ZNF347: variants seen among roughly 807,000 people sequenced by gnomAD.
The protein encoded by ZNF347 is CTD-2620I22.7.
Under a neutral mutation model 12.9 loss-of-function variants are expected in ZNF347, and 19 were observed. The observed-to-expected ratio is 1.47, with a 90% CI of 1.03 to 2.16. The LOEUF is 2.16. ZNF347 is among the 30% of genes most tolerant of loss of function. The pLI is 0.00. For synonymous variants in ZNF347, 328 were observed against 340.6 expected, an observed-to-expected ratio of 0.96 and a Z score of 0.41; for missense variants, 1,005 against 990.6, an observed-to-expected ratio of 1.01 and a Z score of -0.19.
intron 2 of ZNF347, 86 bp downstream of exon 2, chr19:53,153,647 A>T: frequency 3.9e-6 from 6 of 1,552,044 alleles, no homozygotes; most frequent in Non-Finnish European, 5.3e-6. Flanking sequence ...AGGACGCTTC[A>T]GACTCAGAGA....
At position 53,142,511 on chromosome 19, in the gene ZNF347, T is replaced by C; in HGVS notation, c.317A>G (p.Lys106Arg). 2 of 1,610,148 alleles carry C rather than the reference T, an allele frequency of 1.2e-6. No homozygotes were observed. The highest frequency in any genetic ancestry group is 1.7e-4 in the Middle Eastern group (1 of 6,032). ...TTGGAATACTTCTCCTGTATTACTC[T>C]TCCCTTTGTGTAGTAAATCTTTCAT... ...FVMKDLLHKG[K>R]SNTGEVFQTV... is the part of the protein sequence containing the mutation. Residue 106 changes from lysine to arginine, a missense_variant, in exon 5 of 5, where the codon AAG (lysine) becomes AGG (arginine). Transcript: ENST00000334197.
Position 53,140,293 on chromosome 19 carries a change from T to C in ZNF347, c.*15A>G. On this transcript the variant is annotated 3_prime_UTR_variant, in exon 5 of 5. Coordinates refer to ENST00000334197, the MANE Select transcript of ZNF347 (RefSeq NM_032584.3). ...CTGCAAAAGTTACCACCTTCATTTG[T>C]AAGGTTTCTCTCCACTATGAATTCT... 6.6e-7 allele frequency: 1 copy of C among 1,525,060 alleles called. No individual in the cohort carries two copies. The highest frequency in any genetic ancestry group is 8.8e-7 in the Non-Finnish European group (1 of 1,138,996). 94.5% of individuals were successfully genotyped at this position (1,525,060 alleles called of 1,614,324 possible).
rs1158464841 is a variant in ZNF347 at position 53,135,762 on chromosome 19, G to T, written c.*4546C>A. 6.6e-6 allele frequency: 1 copy of T among 152,182 alleles called. No individual in the cohort carries two copies. Among genetic ancestry groups the T allele is most frequent in the African/African-American group, 2.4e-5 (1 of 41,440 alleles). 9.4% of individuals were successfully genotyped at this position (152,182 alleles called of 1,614,324 possible). A position where few individuals can be genotyped will look rare whatever the true frequency, so the allele number is the denominator to read the frequency against. On this transcript the variant is annotated 3_prime_UTR_variant, in exon 5 of 5. Coordinates refer to ENST00000334197, the MANE Select transcript of ZNF347 (RefSeq NM_032584.3). ...ACTTATTTCAGGAGCTGATGATTCA[G>T]TTGTTACACATAAAGCATTAATAAC...
chr19:53,136,556 G>A lies in ZNF347; in HGVS notation c.*3752C>T, dbSNP rs187449813. ...AAGACCAACCTGGCCAACATAGCGA[G>A]ACCCCACGTCTAAAAAGAAAAAGAA... On this transcript the variant is annotated 3_prime_UTR_variant, in exon 5 of 5. Transcript: ENST00000334197. 1 of 149,374 alleles carries A rather than the reference G, an allele frequency of 6.7e-6. No individual in the cohort carries two copies. Among genetic ancestry groups the A allele is most frequent in the African/African-American group, 2.5e-5 (1 of 40,574 alleles). The allele number at this position is 149,374 out of a possible 1,614,324, so 9.3% of individuals were successfully genotyped here.
intron 2 of ZNF347, among the ~76,000 whole-genome samples, chr19:53,149,737 T>C (rs769393420): frequency 6.6e-6 from 1 of 152,076 alleles, no homozygotes; most frequent in East Asian, 1.9e-4. Flanking sequence ...TAGCCAAAGA[T>C]GTAAGCAATC....
chr19:53,140,670 C>T lies in ZNF347; in HGVS notation c.2158G>A (p.Val720Ile). Residue 720 changes from valine to isoleucine, a missense_variant, in exon 5 of 5, where the codon GTC becomes ATC. Transcript: ENST00000334197. ...ECNQCGKAFS[V>I]RSSLTTHQAI... Reference sequence around the variant, plus strand: ...TGATGGGTAGTTAGGCTTGAACGGACACTAAAGGCTTTCCCACACTGATTA... The same window carrying T: ...TGATGGGTAGTTAGGCTTGAACGGATACTAAAGGCTTTCCCACACTGATTA... The T allele has an allele frequency of 6.2e-7, 1 of 1,612,922 alleles. No homozygotes were observed. Among genetic ancestry groups the T allele is most frequent in the Non-Finnish European group, 8.5e-7 (1 of 1,179,810 alleles).
rs1410950589 is a variant in ZNF347 at position 53,135,403 on chromosome 19, C to T, written c.*4905G>A. ...AGAGAGAGAGAGAGAGATGGAGTCC[C>T]GCTCTGTCACTGAGACTGGAGTGCA... On this transcript the variant is annotated 3_prime_UTR_variant, in exon 5 of 5. Transcript: ENST00000334197. 1 of 144,990 alleles carries T rather than the reference C, an allele frequency of 6.9e-6. No homozygotes were observed. Among genetic ancestry groups the T allele is most frequent in the Non-Finnish European group, 1.5e-5 (1 of 66,584 alleles). The allele number at this position is 144,990 out of a possible 1,614,324, so 9.0% of individuals were successfully genotyped here.
At position 53,141,978 on chromosome 19, in the gene ZNF347, T is replaced by C. The variant is rs746608722; in HGVS notation, c.850A>G (p.Thr284Ala). The change falls in exon 5 of 5, where the codon ACT (threonine) becomes GCT (alanine). Residue 284 changes from threonine to alanine, a missense_variant. Transcript: ENST00000334197. The stretch of plus-strand genomic sequence containing the variant: ...TAACATTTGTAAGGTTTCTCTTTAG[T>C]ATGACTTCTCTGATGACTTGCAAGG... ...SHLASHQRSH[T>A]KEKPYKCYEC... is the part of the protein sequence containing the mutation. 8 of 1,614,070 alleles carry C rather than the reference T, an allele frequency of 5.0e-6. No homozygotes were observed. The African/African-American group carries it at 9.3e-5, about 19-fold the overall frequency.
intron 2 of ZNF347, among the ~76,000 whole-genome samples, chr19:53,152,112 T>A (rs796427345): frequency 4.9e-4 from 50 of 102,162 alleles, no homozygotes; most frequent in African/African-American, 5.7e-4. Context: ...AAAAAAAAAA[T>A]CATGATGTGT....
At chr19:53,143,694 G>A (rs559406468) in intron 4 of ZNF347, among the ~76,000 whole-genome samples, 169 of 152,172 alleles carry the variant, frequency 1.1e-3, no homozygotes, top group African/African-American at 3.8e-3. Flanking sequence ...ACATACGTGT[G>A]CATGTGTCTT....
rs539845630 is a variant in ZNF347 at position 53,140,091 on chromosome 19, G to A, written c.*217C>T. 1.7e-4 allele frequency: 83 copies of A among 488,428 alleles called. No homozygotes were observed. The highest frequency in any genetic ancestry group is 2.7e-4 in the Non-Finnish European group (76 of 279,544). The allele number at this position is 488,428 out of a possible 1,614,324, so 30.3% of individuals were successfully genotyped here. On this transcript the variant is annotated 3_prime_UTR_variant, in exon 5 of 5. Coordinates refer to ENST00000334197, the MANE Select transcript of ZNF347 (RefSeq NM_032584.3). The stretch of plus-strand genomic sequence containing the variant: ...AATTGTGTACTTTTAGTAGAAATGG[G>A]GTTTCGCCATGTTGGTCAGGCTGGT...
rs530325991 is a variant in ZNF347, at chr19:53,141,178, G to A, written c.1650C>T (p.Phe550=). 75 of 1,605,140 alleles carry A rather than the reference G, an allele frequency of 4.7e-5. No individual in the cohort carries two copies. The South Asian group carries it at 7.5e-4, about 16-fold the overall frequency. Residue 550 remains phenylalanine, a synonymous_variant, in exon 5 of 5, where the codon TTC becomes TTT. Coordinates refer to ENST00000334197, the MANE Select transcript of ZNF347 (RefSeq NM_032584.3). ...GGGTAGTTAGGCTTGAATACACACT[G>A]AAGGCTTTGCCGCACTCATTACACA... is the stretch of plus-strand genomic sequence containing the variant. The part of the protein sequence containing the change: ...PYMCNECGKA[F]SVYSSLTTHQ...
At chr19:53,153,400 C>T (rs1297108347) in intron 2 of ZNF347, among the ~76,000 whole-genome samples, 1 of 152,224 alleles carries the variant, frequency 6.6e-6, no homozygotes, top group African/African-American at 2.4e-5. Flanking sequence ...TCCTGCTCCA[C>T]AGAGAGCTGA....
At chr19:53,157,467 C>T (rs1463751806) in intron 1 of ZNF347, among the ~76,000 whole-genome samples, 1 of 151,732 alleles carries the variant, frequency 6.6e-6, no homozygotes, top group East Asian at 2.0e-4. Flanking sequence ...TCGTTCTGAG[C>T]CCCTCTCATC....
chr19:53,140,773 T>G lies in ZNF347; in HGVS notation c.2055A>C (p.Glu685Asp), dbSNP rs748066677. The G allele has an allele frequency of 3.1e-6, 5 of 1,611,050 alleles. No individual in the cohort carries two copies. The highest frequency in any genetic ancestry group is 4.2e-6 in the Non-Finnish European group (5 of 1,178,736). The change falls in exon 5 of 5, where the codon GAA becomes GAC. Residue 685 changes from glutamate to aspartate, a missense_variant. Glu to Asp is a conservative substitution (Grantham distance 45). Transcript: ENST00000334197. ...ATGTTTGACTAAAGGCTTTGCCACA[T>G]TCATTACACTGGTAAGGTTTACCTC... ...HTGGKPYQCNECGKAFSQTSK... is the reference protein window; with the variant it reads ...HTGGKPYQCNDCGKAFSQTSK...
intron 1 of ZNF347, among the ~76,000 whole-genome samples, chr19:53,156,309 A>G (rs1220772148): frequency 1.3e-5 from 2 of 151,930 alleles, no homozygotes; most frequent in African/African-American, 4.8e-5. Flanking sequence ...TGAGGCAGGC[A>G]GGAGAATCGC....
In ZNF347 at chr19:53,149,278, G is replaced by A. The variant is rs773429353; in HGVS notation, c.105C>T (p.Asp35=). 3.2e-5 allele frequency: 52 copies of A among 1,613,494 alleles called. No homozygotes were observed. The highest frequency in any genetic ancestry group is 1.6e-4 in the Middle Eastern group (1 of 6,082). Residue 35 remains aspartate, a synonymous_variant, in exon 3 of 5, where the codon GAC becomes GAT. Coordinates refer to ENST00000334197, the MANE Select transcript of ZNF347 (RefSeq NM_032584.3). ...GGTTCCTATAATTCTCCAACATCACGTCCCTGTACAAAGTCCTCTGAGCGG... is the reference window on the plus strand; with the variant it reads ...GGTTCCTATAATTCTCCAACATCACATCCCTGTACAAAGTCCTCTGAGCGG... ...LDPAQRTLYR[D]VMLENYRNLA...
At chr19:53,153,958 C>G in intron 1 of ZNF347, 165 bp from the exon 2 acceptor site, 1 of 587,538 alleles carries the variant, frequency 1.7e-6, no homozygotes, top group Non-Finnish European at 3.0e-6. Flanking sequence ...TGCACCAGGG[C>G]AATGCAGGGA....
intron 4 of ZNF347, among the ~76,000 whole-genome samples, chr19:53,145,524 C>T (rs957052309): frequency 6.6e-6 from 1 of 151,546 alleles, no homozygotes. Context: ...CCCCAAGTAG[C>T]AGAGACCACA....
Sources: gnomAD v4.1 joint callset for allele counts (sites outside exome capture counted in the v4.1 genomes callset) on GRCh38, gnomAD v4.1.1 for gene constraint, MANE v1.5 for transcripts, NCBI Gene and HGNC (gene_info 2026-07-23, HGNC 2026-07-21) for gene names.